AUTS2: variants seen among roughly 807,000 people sequenced by gnomAD.
AUTS2 encodes the protein activator of transcription and developmental regulator AUTS2, also known as autism susceptibility gene 2 protein.
Under a neutral mutation model 112.4 loss-of-function variants are expected in AUTS2, and 17 were observed. That is an observed-to-expected ratio of 0.15 (90% CI 0.10 to 0.23). The LOEUF is 0.23. Ranked by LOEUF, AUTS2 falls within the 10% of genes least tolerant of loss-of-function variation. The probability of loss-of-function intolerance (pLI) is 1.00; values close to 1 mark genes in which losing one functional copy is unlikely to be tolerated. For missense variants in AUTS2, 1,510 were observed against 1,701.6 expected (o/e 0.89, Z 1.98); for synonymous variants, 751 against 702.7 (o/e 1.07, Z -1.09).
chr7:69,778,422 C>T (rs547915400), intron 1 of AUTS2, among the ~76,000 whole-genome samples: 2 of 151,696 alleles, frequency 1.3e-5, no homozygotes, highest in East Asian at 3.9e-4. Flanking sequence ...CATGCCAAGA[C>T]CCCACCCACT....
At chr7:69,768,511 C>G (rs192325276) in intron 1 of AUTS2, among the ~76,000 whole-genome samples, 1 of 152,134 alleles carries the variant, frequency 6.6e-6, no homozygotes, top group Non-Finnish European at 1.5e-5. Flanking sequence ...GTATTTACAG[C>G]TTTGCAGAGC....
intron 2 of AUTS2, among the ~76,000 whole-genome samples, chr7:69,956,506 A>G (rs1429179080): frequency 6.6e-6 from 1 of 152,202 alleles, no homozygotes; most frequent in Non-Finnish European, 1.5e-5. Context: ...TATAGAGTGG[A>G]AATCTTTACG....
intron 4 of AUTS2, among the ~76,000 whole-genome samples, chr7:70,216,763 A>G (rs1467747851): frequency 4.6e-5 from 7 of 152,166 alleles, no homozygotes; most frequent in Non-Finnish European, 8.8e-5. Flanking sequence ...GAATAATTAC[A>G]TACCCTTTAT....
intron 14 of AUTS2, chr7:70,781,324 G>A (rs1166356727): frequency 4.3e-5 from 10 of 231,242 alleles, no homozygotes; most frequent in African/African-American, 2.3e-4. Context: ...TCCCACCACT[G>A]CACTCCAGCC....
chr7:70,699,669 A>G (rs1361008677), intron 6 of AUTS2, among the ~76,000 whole-genome samples: 1 of 152,216 alleles, frequency 6.6e-6, no homozygotes, highest in African/African-American at 2.4e-5. Flanking sequence ...AATTACTGTC[A>G]TATTGAATTT....
chr7:70,421,629 C>A, intron 4 of AUTS2, among the ~76,000 whole-genome samples: 1 of 152,198 alleles, frequency 6.6e-6, no homozygotes, highest in East Asian at 1.9e-4. Flanking sequence ...TGGCTAACTG[C>A]TTTTCTGCCC....
At chr7:69,702,696 T>G (rs1797872281) in intron 1 of AUTS2, among the ~76,000 whole-genome samples, 1 of 152,090 alleles carries the variant, frequency 6.6e-6, no homozygotes, top group South Asian at 2.1e-4. Context: ...GAAATGCAGA[T>G]TTGGGGACTC....
intron 2 of AUTS2, among the ~76,000 whole-genome samples, chr7:69,927,496 C>G (rs1164967643): frequency 6.6e-6 from 1 of 152,160 alleles, no homozygotes; most frequent in South Asian, 2.1e-4. Context: ...TAGGGTGTCA[C>G]TTCGTCAGCC....
chr7:70,101,942 A>G (rs2129569621), intron 2 of AUTS2, among the ~76,000 whole-genome samples: 1 of 152,292 alleles, frequency 6.6e-6, no homozygotes, highest in Admixed American at 6.5e-5. Flanking sequence ...AGATATCATA[A>G]GTAAAATATG....
At chr7:70,025,330 G>A (rs1800464138) in intron 2 of AUTS2, among the ~76,000 whole-genome samples, 2 of 151,780 alleles carry the variant, frequency 1.3e-5, no homozygotes, top group South Asian at 4.2e-4. Flanking sequence ...TGCCTTTCCT[G>A]CAGATATACT....
intron 5 of AUTS2, among the ~76,000 whole-genome samples, chr7:70,653,833 C>T (rs1806634155): frequency 6.6e-6 from 1 of 152,122 alleles, no homozygotes; most frequent in Non-Finnish European, 1.5e-5. Context: ...ACATTGTAAT[C>T]AGTTGTAAGC....
intron 2 of AUTS2, among the ~76,000 whole-genome samples, chr7:70,018,325 A>T (rs1467020340): frequency 6.6e-6 from 1 of 152,154 alleles, no homozygotes; most frequent in African/African-American, 2.4e-5. Flanking sequence ...AATAAAGTGC[A>T]GCTGGATCAA....
chr7:69,923,080 CTTA>C (rs1795876878), intron 2 of AUTS2, among the ~76,000 whole-genome samples: 1 of 152,136 alleles, frequency 6.6e-6, no homozygotes, highest in African/African-American at 2.4e-5. Flanking sequence ...GACTGGTTGG[CTTA>C]TTTCTGCCTT....
chr7:70,071,751 A>G (rs1384266565), intron 2 of AUTS2, among the ~76,000 whole-genome samples: 1 of 152,184 alleles, frequency 6.6e-6, no homozygotes, highest in Non-Finnish European at 1.5e-5. Flanking sequence ...CAGAATCTCT[A>G]TCCCCATCAG....
intron 4 of AUTS2, among the ~76,000 whole-genome samples, chr7:70,406,805 G>C (rs1794555923): frequency 6.6e-6 from 1 of 152,218 alleles, no homozygotes; most frequent in Non-Finnish European, 1.5e-5. Context: ...AAATAAATCA[G>C]CCGATAGCTG....
At position 70,793,269 on chromosome 7, in the gene AUTS2, G is replaced by T. The variant is rs546886534; in HGVS notation, c.*2273G>T. On this transcript the variant is annotated 3_prime_UTR_variant, in exon 19 of 19. Coordinates refer to ENST00000342771, the MANE Select transcript of AUTS2 (RefSeq NM_015570.4). ...GCAGTGATGAGAATTCTGACCTAGGGCCTGTGACAACAGTTTTTGCTTGCT... is the reference window on the plus strand; with the variant it reads ...GCAGTGATGAGAATTCTGACCTAGGTCCTGTGACAACAGTTTTTGCTTGCT... 4 of 152,242 alleles carry T rather than the reference G, an allele frequency of 2.6e-5. No individual in the cohort carries two copies. In the East Asian group the frequency reaches 7.7e-4, roughly 29 times the overall value. 9.4% of individuals were successfully genotyped at this position (152,242 alleles called of 1,614,324 possible). A position where few individuals can be genotyped will look rare whatever the true frequency, so the allele number is the denominator to read the frequency against.
At chr7:70,718,816 A>G (rs774680758) in intron 6 of AUTS2, among the ~76,000 whole-genome samples, 1 of 152,034 alleles carries the variant, frequency 6.6e-6, no homozygotes, top group African/African-American at 2.4e-5. Context: ...TTGCATTGGT[A>G]TATCTTTTTG....
intron 4 of AUTS2, among the ~76,000 whole-genome samples, chr7:70,418,109 G>GTC (rs1795066467): frequency 6.6e-6 from 1 of 151,042 alleles, no homozygotes; most frequent in Non-Finnish European, 1.5e-5. Flanking sequence ...GTGTGTGTGT[G>GTC]TGTCTGTGTG....
chr7:70,510,488 A>G (rs1328245544), intron 5 of AUTS2, among the ~76,000 whole-genome samples: 1 of 152,194 alleles, frequency 6.6e-6, no homozygotes, highest in African/African-American at 2.4e-5. Flanking sequence ...CCAGGTACCC[A>G]AGGGGGATCC....
Sources: allele counts gnomAD v4.1 joint callset (sites outside exome capture counted in the v4.1 genomes callset), GRCh38; gene constraint gnomAD v4.1.1; transcripts MANE v1.5; gene names NCBI Gene and HGNC (gene_info 2026-07-23, HGNC 2026-07-21).